The following TASP1 variants were observed in gnomAD, a reference collection of about 807,000 sequenced individuals.
TASP1 encodes the protein threonine aspartase 1.
A neutral mutation model predicts 56.6 loss-of-function variants in TASP1; 16 were observed. The observed-to-expected ratio is 0.28, with a 90% CI of 0.19 to 0.43. The LOEUF is 0.43. TASP1 is among the 20% of genes least tolerant of loss of function. The pLI, the probability that TASP1 is intolerant of heterozygous loss-of-function variation, is 1.00. For synonymous variants in TASP1, 179 were observed against 184.2 expected, an observed-to-expected ratio of 0.97 and a Z score of 0.23; for missense variants, 393 against 511.6, an observed-to-expected ratio of 0.77 and a Z score of 2.24.
chr20:13,128,695 T>G, the TASP1 span, among the ~76,000 whole-genome samples: 5 of 151,844 alleles, frequency 3.3e-5, no homozygotes, highest in Non-Finnish European at 7.4e-5. Flanking sequence ...GTTTTTTGGG[T>G]TTTTTTAAAA....
intron 9 of TASP1, 128 bp from the exon 10 acceptor site, chr20:13,528,639 C>T (rs2045087309): frequency 1.5e-6 from 1 of 669,790 alleles, no homozygotes; most frequent in Non-Finnish European, 2.5e-6. Context: ...GTGATAATAC[C>T]AGATGTTGTA....
chr20:13,120,434 C>T, the TASP1 span, among the ~76,000 whole-genome samples: 1 of 152,162 alleles, frequency 6.6e-6, no homozygotes, highest in Non-Finnish European at 1.5e-5. Flanking sequence ...TCACTGTTCT[C>T]ATAGGGTTCT....
chr20:13,612,249 G>A (rs551545205), intron 4 of TASP1, among the ~76,000 whole-genome samples: 18 of 152,094 alleles, frequency 1.2e-4, no homozygotes, highest in Non-Finnish European at 2.4e-4. Context: ...CATATCTTCT[G>A]ATTATAACAA....
chr20:13,143,936 C>A, the TASP1 span, among the ~76,000 whole-genome samples: 2 of 152,196 alleles, frequency 1.3e-5, no homozygotes, highest in Non-Finnish European at 2.9e-5. Flanking sequence ...TTGCTACCTC[C>A]AGCTTTTCCC....
the TASP1 span, among the ~76,000 whole-genome samples, chr20:13,220,130 G>A: frequency 6.6e-6 from 1 of 152,202 alleles, no homozygotes; most frequent in African/African-American, 2.4e-5. Flanking sequence ...CTCGCTGGGA[G>A]GGAAGGGCTG....
At chr20:13,187,732 CAAAAAAAAAAA>C in the TASP1 span, among the ~76,000 whole-genome samples, 1 of 57,154 alleles carries the variant, frequency 1.7e-5, no homozygotes, top group African/African-American at 7.0e-5. Flanking sequence ...GACTCCATCT[CAAAAAAAAAAA>C]AAAAAAAAAA....
chr20:13,412,613 G>A (rs1025686043), intron 13 of TASP1, among the ~76,000 whole-genome samples: 1 of 152,030 alleles, frequency 6.6e-6, no homozygotes, highest in South Asian at 2.1e-4. Context: ...TTATGTGAGA[G>A]GTAAGTTTTA....
intron 12 of TASP1, among the ~76,000 whole-genome samples, chr20:13,418,041 T>C (rs1356596198): frequency 6.6e-6 from 1 of 152,174 alleles, no homozygotes; most frequent in Non-Finnish European, 1.5e-5. Flanking sequence ...GCCTCCTGAG[T>C]AGCTGGGATG....
chr20:13,267,933 A>G, the TASP1 span, among the ~76,000 whole-genome samples: 343 of 152,330 alleles, frequency 2.3e-3, 3 homozygotes, highest in Admixed American at 0.017. Context: ...GTAATCCTAA[A>G]TCCTGCACAA....
the TASP1 span, among the ~76,000 whole-genome samples, chr20:13,333,670 T>C: frequency 6.6e-6 from 1 of 152,246 alleles, no homozygotes; most frequent in Non-Finnish European, 1.5e-5. Flanking sequence ...TAATGCCTCG[T>C]TGTTCTATCA....
At chr20:13,316,806 C>T in the TASP1 span, among the ~76,000 whole-genome samples, 1 of 151,102 alleles carries the variant, frequency 6.6e-6, no homozygotes, top group Non-Finnish European at 1.5e-5. Flanking sequence ...ATAAAGAAAA[C>T]CTACAAAACA....
At chr20:13,535,193 G>A (rs1306829806) in intron 8 of TASP1, among the ~76,000 whole-genome samples, 1 of 152,086 alleles carries the variant, frequency 6.6e-6, no homozygotes, top group South Asian at 2.1e-4. Context: ...TCCCTAAGAA[G>A]CAAAATGACA....
At chr20:13,609,958 C>T (rs753809205) in intron 4 of TASP1, among the ~76,000 whole-genome samples, 4 of 152,104 alleles carry the variant, frequency 2.6e-5, no homozygotes, top group South Asian at 2.1e-4. Context: ...CTGATACATG[C>T]TACACTGTGA....
At chr20:13,633,246 G>C (rs1259608481) in intron 1 of TASP1, among the ~76,000 whole-genome samples, 1 of 152,082 alleles carries the variant, frequency 6.6e-6, no homozygotes, top group East Asian at 1.9e-4. Context: ...TTAAGGTATG[G>C]TACAGAAGTA....
chr20:13,321,253 T>TAA, the TASP1 span, among the ~76,000 whole-genome samples: 650 of 57,422 alleles, frequency 0.011, 41 homozygotes, highest in African/African-American at 0.038. Flanking sequence ...GTGCCCCACA[T>TAA]AAAAAAAAAA....
At chr20:13,393,073 G>T in intron 13 of TASP1, 1 of 607,546 alleles carries the variant, frequency 1.6e-6, no homozygotes, top group Non-Finnish European at 3.1e-6. Context: ...GTTTATATAG[G>T]CATGAACCAT....
the TASP1 span, among the ~76,000 whole-genome samples, chr20:13,268,585 C>G: frequency 6.6e-6 from 1 of 152,160 alleles, no homozygotes; most frequent in African/African-American, 2.4e-5. Context: ...GAAAGGCGAG[C>G]AAAAACATGC....
intron 2 of TASP1, among the ~76,000 whole-genome samples, chr20:13,627,112 T>C (rs974791765): frequency 3.3e-5 from 5 of 152,268 alleles, no homozygotes; most frequent in East Asian, 1.9e-4. Flanking sequence ...TAAACTTCAT[T>C]TTTCAAATGT....
chr20:13,183,567 C>CA, the TASP1 span, among the ~76,000 whole-genome samples: 143 of 151,832 alleles, frequency 9.4e-4, no homozygotes, highest in Middle Eastern at 3.4e-3. Flanking sequence ...GAATTTTTAC[C>CA]AAAAAATTTA....
Sources: gnomAD v4.1 joint callset for allele counts (sites outside exome capture counted in the v4.1 genomes callset) on GRCh38, gnomAD v4.1.1 for gene constraint, MANE v1.5 for transcripts, NCBI Gene and HGNC (gene_info 2026-07-23, HGNC 2026-07-21) for gene names.